DEPDC5: variants seen among roughly 807,000 people sequenced by gnomAD.
DEPDC5 encodes the protein GATOR1 complex protein DEPDC5.
A neutral mutation model predicts 217.3 loss-of-function variants in DEPDC5; 73 were observed. The observed-to-expected ratio is 0.34, with a 90% CI of 0.28 to 0.41. The LOEUF (loss-of-function observed/expected upper bound fraction) is 0.41. DEPDC5 is among the 10% of genes least tolerant of loss of function. The probability of loss-of-function intolerance (pLI) is 1.00; values close to 1 mark genes in which losing one functional copy is unlikely to be tolerated. For synonymous variants in DEPDC5, 733 were observed against 756.7 expected (o/e 0.97, Z 0.51); for missense variants, 1,675 against 2,070.1 (o/e 0.81, Z 3.70).
intron 15 of DEPDC5, among the ~76,000 whole-genome samples, chr22:31,803,450 G>A (rs2087110867): frequency 6.6e-6 from 1 of 152,032 alleles, no homozygotes. Context: ...CTGACCTTGT[G>A]ATCCGCCCGT....
chr22:31,856,920 C>T (rs2092326345), intron 31 of DEPDC5, among the ~76,000 whole-genome samples: 1 of 152,136 alleles, frequency 6.6e-6, no homozygotes, highest in African/African-American at 2.4e-5. Context: ...TAGGCGTGCA[C>T]TGCCACACCG....
At chr22:31,786,686 C>A (rs1042014524) in intron 10 of DEPDC5, among the ~76,000 whole-genome samples, 1 of 151,524 alleles carries the variant, frequency 6.6e-6, no homozygotes, top group Non-Finnish European at 1.5e-5. Flanking sequence ...CATACTGTAA[C>A]CTGAAATTCC....
chr22:31,843,075 AATT>A lies in DEPDC5; in HGVS notation c.2516-13_2516-11del, dbSNP rs752737219. ...GAATGAGCTTCAAACAGATGGAGGA[AATT>A]ATTATTTTTCTGTTAGGCCTTGTGT... On this transcript the variant is annotated splice_polypyrimidine_tract_variant and intron_variant, in intron 27 of 42. Coordinates refer to ENST00000651528, the MANE Select transcript of DEPDC5 (RefSeq NM_001242896.3). 6.4e-7 allele frequency: 1 copy of A among 1,574,372 alleles called. No homozygotes were observed. Among genetic ancestry groups the A allele is most frequent in the East Asian group, 2.2e-5 (1 of 44,644 alleles).
chr22:31,886,730 C>T (rs5998160), intron 38 of DEPDC5, among the ~76,000 whole-genome samples: 20,608 of 135,928 alleles, frequency 0.15, 1,690 homozygotes, highest in African/African-American at 0.22. Context: ...ACTGCACTCC[C>T]GCCTGAAAAA....
intron 22 of DEPDC5, among the ~76,000 whole-genome samples, chr22:31,821,257 C>A (rs1046235413): frequency 2.0e-5 from 3 of 152,198 alleles, no homozygotes; most frequent in African/African-American, 7.2e-5. Context: ...GTTGACACAC[C>A]TGAGGCAGAA....
At chr22:31,886,345 C>T (rs978495536) in intron 38 of DEPDC5, among the ~76,000 whole-genome samples, 1 of 152,152 alleles carries the variant, frequency 6.6e-6, no homozygotes, top group Non-Finnish European at 1.5e-5. Flanking sequence ...GGAATATCCT[C>T]GTTTCCAAAG....
intron 12 of DEPDC5, among the ~76,000 whole-genome samples, chr22:31,794,474 A>G (rs1441149530): frequency 6.6e-6 from 1 of 152,206 alleles, no homozygotes; most frequent in Non-Finnish European, 1.5e-5. Flanking sequence ...ATATGACTAT[A>G]TATTTTTAAT....
intron 39 of DEPDC5, 183 bp downstream of exon 39, chr22:31,893,934 G>A: frequency 1.5e-6 from 1 of 645,956 alleles, no homozygotes; most frequent in Non-Finnish European, 2.4e-6. Flanking sequence ...AATCAAAAAA[G>A]GTAGAATCAG....
chr22:31,869,901 C>T (rs1369196382), intron 33 of DEPDC5, among the ~76,000 whole-genome samples: 1 of 152,118 alleles, frequency 6.6e-6, no homozygotes, highest in East Asian at 1.9e-4. Context: ...GAGGGAGAGG[C>T]TGCAATCAGG....
intron 33 of DEPDC5, among the ~76,000 whole-genome samples, 168 bp downstream of exon 33, chr22:31,861,601 G>A (rs189865198): frequency 1.3e-5 from 2 of 152,288 alleles, no homozygotes; most frequent in East Asian, 1.9e-4. Flanking sequence ...TGTTTGTGGC[G>A]GCGAAGGGGG....
At position 31,822,768 on chromosome 22, in the gene DEPDC5, C is replaced by G. The variant is rs2089820326; in HGVS notation, c.2082C>G (p.Gly694=). 6.2e-7 allele frequency: 1 copy of G among 1,613,924 alleles called. No homozygotes were observed. Among genetic ancestry groups the G allele is most frequent in the Non-Finnish European group, 8.5e-7 (1 of 1,179,990 alleles). Residue 694 remains glycine, a synonymous_variant, in exon 24 of 43, where the codon GGC becomes GGG. Transcript: ENST00000651528. ...GTGGAACAGAGGAGCTTTCTGTCGG[C>G]CTGCTTAGCAACAGTGGTGCAGGTA... The part of the protein sequence containing the change: ...NFSGTEELSV[G]LLSNSGAGMN...
chr22:31,861,754 G>C (rs1291390537), intron 33 of DEPDC5, among the ~76,000 whole-genome samples: 1 of 152,178 alleles, frequency 6.6e-6, no homozygotes, highest in African/African-American at 2.4e-5. Flanking sequence ...TGAGCAACAT[G>C]AAATATGCTT....
intron 27 of DEPDC5, among the ~76,000 whole-genome samples, chr22:31,841,808 T>C (rs529510468): frequency 6.6e-6 from 1 of 152,282 alleles, no homozygotes; most frequent in African/African-American, 2.4e-5. Context: ...GTGTGGAAAG[T>C]TGGGGTTTTC....
At chr22:31,793,679 C>G (rs571235767) in intron 12 of DEPDC5, among the ~76,000 whole-genome samples, 1 of 152,056 alleles carries the variant, frequency 6.6e-6, no homozygotes, top group Non-Finnish European at 1.5e-5. Flanking sequence ...AAGGGATTCT[C>G]GTTTCTCAGC....
rs1555894264 is a variant in DEPDC5 at position 31,833,947 on chromosome 22, C to A, written c.2137C>A (p.Leu713Ile). The A allele has an allele frequency of 1.2e-6, 2 of 1,612,132 alleles. No individual in the cohort carries two copies. Among genetic ancestry groups the A allele is most frequent in the Non-Finnish European group, 1.7e-6 (2 of 1,178,922 alleles). Reference protein sequence around the residue: ...MNPRTQNKDSLEDSVSTSPDP... With the variant: ...MNPRTQNKDSIEDSVSTSPDP... Reference sequence around the variant, plus strand: ...TCCTAGGACCCAGAATAAGGATTCTCTAGAGGACAGTGTTTCTACCTCTCC... The same window carrying A: ...TCCTAGGACCCAGAATAAGGATTCTATAGAGGACAGTGTTTCTACCTCTCC... The change falls in exon 25 of 43, where the codon CTA becomes ATA. Residue 713 changes from leucine to isoleucine, a missense_variant. Around this residue, in one of 11 missense-constraint regions of DEPDC5, gnomAD observed 136 missense variants for 132.2 expected, o/e 1.03. Coordinates refer to ENST00000651528, the MANE Select transcript of DEPDC5 (RefSeq NM_001242896.3).
In DEPDC5 at chr22:31,843,082, A is replaced by AT. The variant is rs1301589650; in HGVS notation, c.2516-8dup. 1.3e-6 allele frequency: 2 copies of AT among 1,594,254 alleles called. No homozygotes were observed. Among genetic ancestry groups the AT allele is most frequent in the Non-Finnish European group, 1.7e-6 (2 of 1,163,980 alleles). On this transcript the variant is annotated splice_polypyrimidine_tract_variant and intron_variant, in intron 27 of 42. Transcript: ENST00000651528. ...CTTCAAACAGATGGAGGAAATTATT[A>AT]TTTTTCTGTTAGGCCTTGTGTCCCG... is the stretch of plus-strand genomic sequence containing the variant.
rs1417638887 is a variant in DEPDC5 at position 31,837,046 on chromosome 22, A to G, written c.2245A>G (p.Thr749Ala). 1 of 1,613,650 alleles carries G rather than the reference A, an allele frequency of 6.2e-7. No homozygotes were observed. The highest frequency in any genetic ancestry group is 8.5e-7 in the Non-Finnish European group (1 of 1,179,940). The stretch of plus-strand genomic sequence containing the variant: ...TGGAGTGGACTGGAAGTCTCTCACT[A>G]CTCCGGCGTGCCTCCCCCTTACCAC... ...TVGVDWKSLT[T>A]PACLPLTTDY... The change falls in exon 26 of 43, where the codon ACT (threonine) becomes GCT (alanine). Residue 749 changes from threonine (T) to alanine (A), a missense_variant. Transcript: ENST00000651528.
At chr22:31,902,274 CTG>C (rs1228692733) in intron 41 of DEPDC5, among the ~76,000 whole-genome samples, 1 of 151,934 alleles carries the variant, frequency 6.6e-6, no homozygotes, top group Non-Finnish European at 1.5e-5. Flanking sequence ...GTCCAGCCGA[CTG>C]TGTTGTCTCC....
chr22:31,815,830 C>G (rs1171755756), intron 21 of DEPDC5: 6 of 1,188,674 alleles, frequency 5.0e-6, no homozygotes, highest in East Asian at 4.1e-5. Flanking sequence ...TTACCGCACC[C>G]TGCCTCTATT....
Sources: allele counts gnomAD v4.1 joint callset (sites outside exome capture counted in the v4.1 genomes callset), GRCh38; gene constraint gnomAD v4.1.1; regional missense constraint gnomAD v4.1.1; transcripts MANE v1.5; gene names NCBI Gene and HGNC (gene_info 2026-07-23, HGNC 2026-07-21).